The following MED13L variants were observed in gnomAD, a reference collection of about 807,000 sequenced individuals.
The protein encoded by MED13L is mediator of RNA polymerase II transcription subunit 13-like.
Under a neutral mutation model 220.9 loss-of-function variants are expected in MED13L, and 7 were observed. The ratio of observed to expected loss-of-function variants is 0.03; its 90% confidence interval spans 0.02 to 0.06. MED13L has a LOEUF of 0.06. Ranked by LOEUF, MED13L falls within the 10% of genes least tolerant of loss-of-function variation. The pLI, the probability that MED13L is intolerant of heterozygous loss-of-function variation, is 1.00. For synonymous variants in MED13L, 1,011 were observed against 1,015.2 expected (o/e 1.00, Z 0.08); for missense variants, 1,965 against 2,760.5 (o/e 0.71, Z 6.46).
At chr12:116,185,468 T>C (rs1880820754) in intron 2 of MED13L, among the ~76,000 whole-genome samples, 1 of 152,054 alleles carries the variant, frequency 6.6e-6, no homozygotes, top group Admixed American at 6.6e-5. Context: ...ATAACTGCTA[T>C]TAGGTAATAC....
chr12:116,141,255 T>A (rs540559566), intron 2 of MED13L, among the ~76,000 whole-genome samples: 17 of 152,338 alleles, frequency 1.1e-4, no homozygotes, highest in African/African-American at 3.6e-4. Flanking sequence ...ATATTAAAGC[T>A]ATGCATAACT....
chr12:116,179,720 G>T (rs1315371754), intron 2 of MED13L, among the ~76,000 whole-genome samples: 2 of 150,904 alleles, frequency 1.3e-5, no homozygotes, highest in Admixed American at 6.6e-5. Flanking sequence ...CAAGAGAAAA[G>T]AATAGAAGAA....
intron 1 of MED13L, among the ~76,000 whole-genome samples, chr12:116,268,492 T>C (rs925424433): frequency 2.0e-5 from 3 of 152,162 alleles, no homozygotes; most frequent in African/African-American, 7.2e-5. Flanking sequence ...AAGCCTCCTG[T>C]ATTATACTCA....
intron 3 of MED13L, among the ~76,000 whole-genome samples, chr12:116,104,194 G>A (rs532087111): frequency 7.9e-5 from 12 of 151,704 alleles, no homozygotes; most frequent in African/African-American, 2.7e-4. Context: ...ATTTTTAGTA[G>A]AGTCAGAGTT....
intron 2 of MED13L, among the ~76,000 whole-genome samples, chr12:116,192,885 C>G (rs1881369658): frequency 6.6e-6 from 1 of 152,084 alleles, no homozygotes; most frequent in African/African-American, 2.4e-5. Flanking sequence ...GTAATCCCAG[C>G]ACTTTGGAAG....
At chr12:115,999,439 A>AC (rs1488503243) in intron 14 of MED13L, among the ~76,000 whole-genome samples, 1 of 151,942 alleles carries the variant, frequency 6.6e-6, no homozygotes, top group Non-Finnish European at 1.5e-5. Flanking sequence ...ATCACCTTTA[A>AC]CCTTTAGTCC....
chr12:116,139,678 T>C (rs1362796204), intron 2 of MED13L, among the ~76,000 whole-genome samples: 1 of 152,142 alleles, frequency 6.6e-6, no homozygotes, highest in Non-Finnish European at 1.5e-5. Context: ...ATTAACAATA[T>C]GCTTGCTGAG....
At position 116,078,004 on chromosome 12, in the gene MED13L, C is replaced by T. The variant is rs1237597183; in HGVS notation, c.479+18665G>A. Among the ~76,000 whole-genome samples, 2 of 151,848 alleles carry T rather than the reference C, an allele frequency of 1.3e-5. 1 individual carries two copies. The highest frequency in any genetic ancestry group is 1.3e-4 in the Admixed American group (2 of 15,258). ...CTAAAAATACAAAACATTAGCCGGG[C>T]ATGGTGGCACCTAACTGTAATCCCA... is the stretch of plus-strand genomic sequence containing the variant. On this transcript the variant is annotated intron_variant, in intron 4 of 30. Transcript: ENST00000281928.
intron 4 of MED13L, among the ~76,000 whole-genome samples, chr12:116,082,229 CTT>C (rs1000724629): frequency 3.9e-5 from 6 of 152,138 alleles, no homozygotes; most frequent in African/African-American, 9.7e-5. Flanking sequence ...CTAGATCACT[CTT>C]TTCATTTCAA....
chr12:116,119,331 G>GC (rs1874798379), intron 2 of MED13L, among the ~76,000 whole-genome samples: 1 of 152,086 alleles, frequency 6.6e-6, no homozygotes, highest in Non-Finnish European at 1.5e-5. Flanking sequence ...TCAAGATCAA[G>GC]TTTTTGGTGC....
At chr12:116,025,857 A>G (rs1168361079) in intron 4 of MED13L, among the ~76,000 whole-genome samples, 1 of 152,162 alleles carries the variant, frequency 6.6e-6, no homozygotes, top group African/African-American at 2.4e-5. Context: ...AAAACAGACA[A>G]TGTTCTTACC....
intron 20 of MED13L, 102 bp from the exon 21 acceptor site, chr12:115,983,642 C>G: frequency 8.2e-7 from 1 of 1,226,782 alleles, no homozygotes; most frequent in South Asian, 1.3e-5. Context: ...TGCTTTCAGG[C>G]TGCAATACTC....
At chr12:116,265,893 T>A (rs1173139002) in intron 1 of MED13L, among the ~76,000 whole-genome samples, 1 of 152,206 alleles carries the variant, frequency 6.6e-6, no homozygotes, top group Non-Finnish European at 1.5e-5. Flanking sequence ...GCAAGCCACA[T>A]CCATCCATTC....
At chr12:116,145,902 C>T (rs939697488) in intron 2 of MED13L, among the ~76,000 whole-genome samples, 5 of 151,914 alleles carry the variant, frequency 3.3e-5, no homozygotes, top group African/African-American at 9.7e-5. Flanking sequence ...ATGCTTTAAT[C>T]GTATGTTCCA....
intron 4 of MED13L, among the ~76,000 whole-genome samples, chr12:116,089,236 G>C (rs1042607400): frequency 1.9e-4 from 29 of 152,194 alleles, no homozygotes; most frequent in African/African-American, 7.0e-4. Flanking sequence ...TTTCTATAAA[G>C]ATGGGATCTC....
rs2138617445 is a variant in MED13L at position 116,277,217 on chromosome 12, C to G, written c.-86G>C. ...GCCGGGCCGGGCGGCGGCGCCTCGC[C>G]GGGGAGCGCGGGGCGGCCGGGCCGC... On this transcript the variant is annotated 5_prime_UTR_variant, in exon 1 of 31. Coordinates refer to ENST00000281928, the MANE Select transcript of MED13L (RefSeq NM_015335.5). 1.4e-6 allele frequency: 1 copy of G among 726,976 alleles called. No homozygotes were observed. Among genetic ancestry groups the G allele is most frequent in the Non-Finnish European group, 1.7e-6 (1 of 589,554 alleles). The allele number at this position is 726,976 out of a possible 1,614,324, so 45.0% of individuals were successfully genotyped here. A position where few individuals can be genotyped will look rare whatever the true frequency, so the allele number is the denominator to read the frequency against.
At chr12:116,111,367 C>A in intron 3 of MED13L, 61 bp downstream of exon 3, 1 of 1,332,066 alleles carries the variant, frequency 7.5e-7, no homozygotes, top group Non-Finnish European at 1.1e-6. Context: ...ACAGGAAACT[C>A]TCGGTATCTA....
rs61756230 is a variant in MED13L, at chr12:116,019,372, G to T, written c.861C>A (p.Ile287=). The T allele has an allele frequency of 2.5e-6, 4 of 1,613,922 alleles. No homozygotes were observed. Among genetic ancestry groups the T allele is most frequent in the Non-Finnish European group, 3.4e-6 (4 of 1,179,950 alleles). The stretch of plus-strand genomic sequence containing the variant: ...GAGGAACCGGGATGTCATTCTGAGA[G>T]ATCAAAACAAATGCTGAAGGGTAAA... ...RMVYPSAFVL[I]SQNDIPVPQS... The change falls in exon 7 of 31, where the codon ATC becomes ATA. Residue 287 remains isoleucine (I), a synonymous_variant. Coordinates refer to ENST00000281928, the MANE Select transcript of MED13L (RefSeq NM_015335.5).
At chr12:116,101,778 G>A (rs976644438) in intron 3 of MED13L, among the ~76,000 whole-genome samples, 5 of 151,950 alleles carry the variant, frequency 3.3e-5, no homozygotes, top group Admixed American at 1.3e-4. Context: ...AAGCTTTGAG[G>A]GTCAAAATTT....
Sources: gnomAD v4.1 joint callset for allele counts (sites outside exome capture counted in the v4.1 genomes callset) on GRCh38, gnomAD v4.1.1 for gene constraint, MANE v1.5 for transcripts, NCBI Gene and HGNC (gene_info 2026-07-23, HGNC 2026-07-21) for gene names.